The following CDC20B variants were observed in gnomAD, a reference collection of about 807,000 sequenced individuals.
The protein encoded by CDC20B is cell division cycle 20B.
CDC20B carries 58 observed loss-of-function variants against 64.1 expected under a neutral mutation model. That is an observed-to-expected ratio of 0.90 (90% CI 0.73 to 1.13). The LOEUF (loss-of-function observed/expected upper bound fraction) is 1.13. Among genes scored for constraint, CDC20B ranks in the 50% most tolerant of loss-of-function variants. The pLI is 0.00. For synonymous variants in CDC20B, 243 were observed against 230.6 expected, an observed-to-expected ratio of 1.05 and a Z score of -0.49; for missense variants, 597 against 633.0, an observed-to-expected ratio of 0.94 and a Z score of 0.61.
chr5:55,146,580 C>A (rs749346725), intron 3 of CDC20B, 48 bp downstream of exon 3: 4 of 1,325,760 alleles, frequency 3.0e-6, no homozygotes, highest in African/African-American at 1.5e-5. Context: ...AGGAATATAT[C>A]TTTTATTCAC....
intron 2 of CDC20B, among the ~76,000 whole-genome samples, chr5:55,147,606 T>C (rs1468143918): frequency 2.6e-5 from 4 of 150,944 alleles, no homozygotes; most frequent in Non-Finnish European, 4.4e-5. Context: ...ATGTGAAATA[T>C]ATTATTTTAT....
At chr5:55,153,560 A>G (rs1304068100) in intron 2 of CDC20B, among the ~76,000 whole-genome samples, 1 of 152,180 alleles carries the variant, frequency 6.6e-6, no homozygotes, top group African/African-American at 2.4e-5. Flanking sequence ...CCAGTGTCCT[A>G]GATGGCACAA....
intron 6 of CDC20B, among the ~76,000 whole-genome samples, chr5:55,130,559 C>A (rs909893081): frequency 6.6e-6 from 1 of 152,112 alleles, no homozygotes; most frequent in Non-Finnish European, 1.5e-5. Flanking sequence ...ATTCTATATC[C>A]AGCAAAAATC....
At chr5:55,143,233 A>G (rs1743377741) in intron 4 of CDC20B, among the ~76,000 whole-genome samples, 1 of 152,224 alleles carries the variant, frequency 6.6e-6, no homozygotes, top group Admixed American at 6.5e-5. Flanking sequence ...TAATTTCATT[A>G]TATTTTTAAC....
rs1743390514 is a variant in CDC20B at position 55,143,594 on chromosome 5, T to C, written c.405A>G (p.Thr135=). The C allele has an allele frequency of 6.2e-7, 1 of 1,609,752 alleles. No homozygotes were observed. Among genetic ancestry groups the C allele is most frequent in the African/African-American group, 1.3e-5 (1 of 74,930 alleles). ...LKTPSKGISE[T]SNSALHFCKA... ...TGCAAAAATGGAGAGCAGAGTTACT[T>C]GTTTCAGAAATTCCTTTGCTGGGGG... is the stretch of plus-strand genomic sequence containing the variant. Residue 135 remains threonine (T), a synonymous_variant, in exon 4 of 12, where the codon ACA becomes ACG. Transcript: ENST00000381375.
chr5:55,153,240 TAAAAAAAAAAA>T (rs1206577177), intron 2 of CDC20B, among the ~76,000 whole-genome samples: 4 of 87,656 alleles, frequency 4.6e-5, no homozygotes, highest in Non-Finnish European at 6.0e-5. Context: ...CCTTGTCTCA[TAAAAAAAAAAA>T]AAAAAAAAAA....
chr5:55,172,286 T>C (rs1039933505), intron 2 of CDC20B: 4 of 306,934 alleles, frequency 1.3e-5, no homozygotes, highest in Middle Eastern at 3.9e-4. Flanking sequence ...CAGAGAGGAG[T>C]GCAACTAGCA....
At chr5:55,138,165 TAAA>T (rs33958487) in intron 5 of CDC20B, among the ~76,000 whole-genome samples, 3 of 141,368 alleles carry the variant, frequency 2.1e-5, no homozygotes, top group Admixed American at 7.0e-5. Context: ...GATTTTGAGT[TAAA>T]AAAAAAAAAA....
Position 55,146,817 on chromosome 5 carries a change from T to C in CDC20B, c.166A>G (p.Ser56Gly). 1 of 1,614,158 alleles carries C rather than the reference T, an allele frequency of 6.2e-7. No homozygotes were observed. Among genetic ancestry groups the C allele is most frequent in the Non-Finnish European group, 8.5e-7 (1 of 1,180,028 alleles). ...SVNATYSDFK[S>G]NFAKRLSAEV... The stretch of plus-strand genomic sequence containing the variant: ...GCGGACAGCCTCTTCGCAAAGTTGC[T>C]CTTAAAGTCAGAATACGTAGCATTA... The change falls in exon 3 of 12, where the codon AGC (serine) becomes GGC (glycine). Residue 56 changes from serine (S) to glycine (G), a missense_variant. Around this residue, in one of 3 missense-constraint regions of CDC20B, gnomAD observed 241 missense variants for 219.2 expected, o/e 1.10. Transcript: ENST00000381375.
At chr5:55,129,197 G>A (rs923516997) in intron 6 of CDC20B, among the ~76,000 whole-genome samples, 3 of 152,084 alleles carry the variant, frequency 2.0e-5, no homozygotes, top group Admixed American at 1.3e-4. Context: ...TGACTGACAC[G>A]TATCAGTATA....
chr5:55,122,561 C>T (rs996846846), intron 9 of CDC20B, among the ~76,000 whole-genome samples: 3 of 152,204 alleles, frequency 2.0e-5, no homozygotes, highest in African/African-American at 4.8e-5. Flanking sequence ...AATCTAATTC[C>T]TCTACCTTTG....
In CDC20B at chr5:55,114,382, T is replaced by C. The variant is rs543585174; in HGVS notation, c.1460-64A>G. The stretch of plus-strand genomic sequence containing the variant: ...TTACATGGGCTGCTGCTCAGGACTG[T>C]AGGCAATGTAAGTTGGGGCCATGAG... On this transcript the variant is annotated intron_variant, in intron 11 of 11. Coordinates refer to ENST00000381375, the MANE Select transcript of CDC20B (RefSeq NM_001170402.1). This position sits in a 1 kb window ranked among gnomAD's most constrained non-coding sequence, Gnocchi z 4.1. 1.3e-6 allele frequency: 2 copies of C among 1,561,756 alleles called. No homozygotes were observed. Among genetic ancestry groups the C allele is most frequent in the South Asian group, 1.2e-5 (1 of 82,910 alleles).
At position 55,114,112 on chromosome 5, in the gene CDC20B, G is replaced by T; in HGVS notation, c.*106C>A. 1 of 1,459,718 alleles carries T rather than the reference G, an allele frequency of 6.9e-7. No homozygotes were observed. The highest frequency in any genetic ancestry group is 1.5e-5 in the South Asian group (1 of 67,290). 90.4% of individuals were successfully genotyped at this position (1,459,718 alleles called of 1,614,324 possible). On this transcript the variant is annotated 3_prime_UTR_variant, in exon 12 of 12. Coordinates refer to ENST00000381375, the MANE Select transcript of CDC20B (RefSeq NM_001170402.1). The surrounding 1 kb of genome is among the most constrained non-coding windows in gnomAD (Gnocchi z 4.1). The stretch of plus-strand genomic sequence containing the variant: ...AGAACAGGCATTCACATCAAGAAGA[G>T]TATTTCAACTTGTTTGATACTCATA...
intron 2 of CDC20B, among the ~76,000 whole-genome samples, chr5:55,169,260 T>C (rs568758748): frequency 1.6e-4 from 24 of 152,350 alleles, no homozygotes; most frequent in African/African-American, 4.8e-4. Context: ...ATTATAGATA[T>C]CTATTTAACC....
intron 9 of CDC20B, 134 bp from the exon 10 acceptor site, chr5:55,120,684 G>T: frequency 1.9e-6 from 2 of 1,037,624 alleles, no homozygotes; most frequent in Non-Finnish European, 2.8e-6. Flanking sequence ...CTATCTAAAG[G>T]CAGGAGCAAC....
chr5:55,167,340 A>G (rs1245950063), intron 2 of CDC20B, among the ~76,000 whole-genome samples: 2 of 152,218 alleles, frequency 1.3e-5, no homozygotes, highest in Non-Finnish European at 2.9e-5. Context: ...ATGTTTAACA[A>G]TTACACTGTA....
At chr5:55,143,994 GA>G (rs3068520) in intron 3 of CDC20B, among the ~76,000 whole-genome samples, 88,214 of 136,924 alleles carry the variant, frequency 0.64, 27,462 homozygotes, top group East Asian at 0.82. Context: ...TCTCTGTATG[GA>G]AAAAAAAAAA....
intron 2 of CDC20B, among the ~76,000 whole-genome samples, chr5:55,157,003 G>T (rs890112266): frequency 1.3e-5 from 2 of 152,126 alleles, no homozygotes; most frequent in African/African-American, 4.8e-5. Flanking sequence ...CATGAGGCTG[G>T]CTCCTTCCCT....
intron 2 of CDC20B, chr5:55,161,281 T>C (rs1442445143): frequency 6.3e-7 from 1 of 1,594,120 alleles, no homozygotes; most frequent in Non-Finnish European, 8.6e-7. Context: ...GCATATGCTG[T>C]TTTAAATTGC....
Sources: allele counts gnomAD v4.1 joint callset (sites outside exome capture counted in the v4.1 genomes callset), GRCh38; gene constraint gnomAD v4.1.1; regional missense constraint gnomAD v4.1.1; non-coding constraint Gnocchi (gnomAD v3.1); transcripts MANE v1.5; gene names NCBI Gene and HGNC (gene_info 2026-07-23, HGNC 2026-07-21).